The following LGR5 variants were observed in gnomAD, a reference collection of about 807,000 sequenced individuals.
LGR5 encodes leucine-rich repeat-containing G protein-coupled receptor 5.
LGR5 carries 54 observed loss-of-function variants against 76.7 expected under a neutral mutation model. The observed-to-expected ratio is 0.70, with a 90% CI of 0.57 to 0.88. The LOEUF is 0.88. Among genes scored for constraint, LGR5 ranks in the 40% least tolerant of loss-of-function variants. The probability of loss-of-function intolerance (pLI) is 0.00; values close to 1 mark genes in which losing one functional copy is unlikely to be tolerated. For synonymous variants in LGR5, 406 were observed against 421.9 expected, an observed-to-expected ratio of 0.96 and a Z score of 0.46; for missense variants, 1,078 against 1,073.3, an observed-to-expected ratio of 1.00 and a Z score of -0.06.
At chr12:71,504,135 G>T (rs987631454) in intron 1 of LGR5, among the ~76,000 whole-genome samples, 5 of 151,580 alleles carry the variant, frequency 3.3e-5, no homozygotes, top group African/African-American at 1.2e-4. Context: ...GTCTTGTTTT[G>T]TTGTTGTTGT....
At chr12:71,495,077 T>TGGG (rs778076062) in intron 1 of LGR5, among the ~76,000 whole-genome samples, 2,404 of 148,990 alleles carry the variant, frequency 0.016, 40 homozygotes, top group South Asian at 0.033. Flanking sequence ...TGGGGCGTAG[T>TGGG]CGGGGGGGGT....
intron 1 of LGR5, among the ~76,000 whole-genome samples, chr12:71,494,856 G>A (rs562685072): frequency 6.6e-6 from 1 of 151,140 alleles, no homozygotes; most frequent in Non-Finnish European, 1.5e-5. Context: ...TCTAGTTTAT[G>A]TCAAGCACTC....
chr12:71,554,196 A>G (rs1344787567), intron 5 of LGR5, among the ~76,000 whole-genome samples: 1 of 152,164 alleles, frequency 6.6e-6, no homozygotes, highest in Non-Finnish European at 1.5e-5. Context: ...TTTTTTAAAG[A>G]TAGTTTGGCT....
rs201703093 is a variant in LGR5 at position 71,582,516 on chromosome 12, C to T, written c.1613C>T (p.Ser538Leu). ...DFEEDLKALHSVQCSPSPGPF... is the reference protein window; with the variant it reads ...DFEEDLKALHLVQCSPSPGPF... ...GAGGAAGACCTGAAAGCCCTTCATT[C>T]AGTGCAGTGTTCACCTTCCCCAGGT... Residue 538 changes from serine to leucine, a missense_variant, in exon 17 of 18, where the codon TCA (serine) becomes TTA (leucine). Coordinates refer to ENST00000266674, the MANE Select transcript of LGR5 (RefSeq NM_003667.4). The T allele has an allele frequency of 5.5e-5, 89 of 1,613,794 alleles. No individual in the cohort carries two copies. Among genetic ancestry groups the T allele is most frequent in the Non-Finnish European group, 7.2e-5 (85 of 1,179,830 alleles).
chr12:71,548,742 G>A (rs1476922443), intron 4 of LGR5, among the ~76,000 whole-genome samples: 1 of 151,876 alleles, frequency 6.6e-6, no homozygotes, highest in Non-Finnish European at 1.5e-5. Flanking sequence ...AGGTCATACA[G>A]CTTCTAGAAT....
chr12:71,450,837 C>T (rs1380543134), intron 1 of LGR5, among the ~76,000 whole-genome samples: 2 of 152,124 alleles, frequency 1.3e-5, no homozygotes, highest in Non-Finnish European at 2.9e-5. Context: ...CCCTACTATC[C>T]TGCTACTCTC....
In LGR5 at chr12:71,490,179, G is replaced by C. The variant is rs181945188; in HGVS notation, c.213-14435G>C. Among the ~76,000 whole-genome samples the C allele has an allele frequency of 2.0e-5, 3 of 151,164 alleles. No homozygotes were observed. In the East Asian group the frequency reaches 5.8e-4, roughly 29 times the overall value. On this transcript the variant is annotated intron_variant, in intron 1 of 17. Transcript: ENST00000266674. ...ATCAAATAGTAACTATTTGGTTTTG[G>C]CTATATGACAAGGCCTAGTTAAGAG...
chr12:71,493,281 C>G (rs1009808719), intron 1 of LGR5, among the ~76,000 whole-genome samples: 1 of 151,096 alleles, frequency 6.6e-6, no homozygotes, highest in African/African-American at 2.5e-5. Flanking sequence ...CAGGCTTATC[C>G]CATCCTGCTC....
chr12:71,556,472 G>A (rs1877769854), intron 5 of LGR5, 147 bp from the exon 6 acceptor site: 1 of 612,204 alleles, frequency 1.6e-6, no homozygotes, highest in South Asian at 2.2e-5. Flanking sequence ...TGTGGTATGA[G>A]TGAATGCAGC....
At chr12:71,544,227 TCCCC>T (rs1452956402) in intron 4 of LGR5, among the ~76,000 whole-genome samples, 1 of 150,606 alleles carries the variant, frequency 6.6e-6, no homozygotes, top group Non-Finnish European at 1.5e-5. Flanking sequence ...ACTTTATCTC[TCCCC>T]AACCTGGAGA....
intron 1 of LGR5, among the ~76,000 whole-genome samples, chr12:71,462,034 T>C (rs534196797): frequency 6.6e-6 from 1 of 152,196 alleles, no homozygotes; most frequent in African/African-American, 2.4e-5. Context: ...GCTTGACACA[T>C]GCCTGCTCAG....
chr12:71,456,583 G>T (rs1490757687), intron 1 of LGR5, among the ~76,000 whole-genome samples: 2 of 152,104 alleles, frequency 1.3e-5, no homozygotes, highest in African/African-American at 4.8e-5. Flanking sequence ...AGTGAAAGAA[G>T]GCAACCATTT....
intron 1 of LGR5, among the ~76,000 whole-genome samples, chr12:71,489,698 A>G (rs1452261173): frequency 6.6e-6 from 1 of 152,200 alleles, no homozygotes; most frequent in Admixed American, 6.5e-5. Context: ...ACTAGAAATG[A>G]GAAATACTTT....
At chr12:71,489,545 A>G (rs145923495) in intron 1 of LGR5, among the ~76,000 whole-genome samples, 64 of 152,338 alleles carry the variant, frequency 4.2e-4, no homozygotes, top group East Asian at 1.9e-3. Flanking sequence ...TCAACTTGGC[A>G]TGAAAGTCTT....
At chr12:71,495,079 G>C (rs185998351) in intron 1 of LGR5, among the ~76,000 whole-genome samples, 5 of 140,928 alleles carry the variant, frequency 3.5e-5, no homozygotes, top group South Asian at 2.2e-4. Flanking sequence ...GGGCGTAGTC[G>C]GGGGGGGTCT....
intron 4 of LGR5, among the ~76,000 whole-genome samples, chr12:71,548,301 C>CTGTGTGTGTGTGTGTGTGTGTG (rs10629001): frequency 0.019 from 1,958 of 104,054 alleles, 18 homozygotes; most frequent in Non-Finnish European, 0.029. Flanking sequence ...CCTTGTTGCA[C>CTGTGTGTGTGTGTGTGTGTGTG]TGTGTGTGTG....
At chr12:71,474,658 C>T (rs1368170914) in intron 1 of LGR5, among the ~76,000 whole-genome samples, 3 of 152,196 alleles carry the variant, frequency 2.0e-5, no homozygotes. Flanking sequence ...TTAATACTCT[C>T]TAGATTATGT....
At chr12:71,573,913 T>TAAA (rs3070200) in intron 13 of LGR5, among the ~76,000 whole-genome samples, 27,837 of 147,344 alleles carry the variant, frequency 0.19, 3,010 homozygotes, top group East Asian at 0.44. Context: ...TGCTTTTACT[T>TAAA]AAAAAAAAAA....
At position 71,521,635 on chromosome 12, in the gene LGR5, A is replaced by G. The variant is rs571836726; in HGVS notation, c.285-2771A>G. On this transcript the variant is annotated intron_variant, in intron 2 of 17. Coordinates refer to ENST00000266674, the MANE Select transcript of LGR5 (RefSeq NM_003667.4). ...GATGCAAGGAAGACTGGAAAATCGG[A>G]CTGTAGCTGGGTGGCCATGTAATCT... 7.8e-4 allele frequency among the ~76,000 whole-genome samples: 119 copies of G among 152,294 alleles called. 2 individuals are homozygous for G. The highest frequency in any genetic ancestry group is 2.2e-3 in the Admixed American group (34 of 15,286).
Sources: gnomAD v4.1 joint callset for allele counts (sites outside exome capture counted in the v4.1 genomes callset) on GRCh38, gnomAD v4.1.1 for gene constraint, MANE v1.5 for transcripts, NCBI Gene and HGNC (gene_info 2026-07-23, HGNC 2026-07-21) for gene names.